Variants in ERCC2 observed in about 807,000 individuals in gnomAD.
ERCC2 encodes the protein ERCC excision repair 2, TFIIH core complex helicase subunit.
A neutral mutation model predicts 99.4 loss-of-function variants in ERCC2; 90 were observed. That is an observed-to-expected ratio of 0.91 (90% CI 0.76 to 1.08). ERCC2 has a LOEUF of 1.08. ERCC2 is among the 50% of genes least tolerant of loss of function. The pLI is 0.00. For synonymous variants in ERCC2, 497 were observed against 432.4 expected (o/e 1.15, Z -1.85); for missense variants, 993 against 1,038.1 (o/e 0.96, Z 0.60).
rs3916795 is a variant in ERCC2, at chr19:45,369,857, G to A, written c.105+276C>T. Among the ~76,000 whole-genome samples, 898 of 152,154 alleles carry A rather than the reference G, an allele frequency of 5.9e-3. 3 individuals carry two copies. Among genetic ancestry groups the A allele is most frequent in the Middle Eastern group, 0.01 (3 of 294 alleles). On this transcript the variant is annotated intron_variant, in intron 2 of 22. Transcript: ENST00000391945. ...CACCTGGCTAATTTTTGTATTTTTA[G>A]TACAGACGGGGTTTCACCGTGTTGG...
At position 45,366,101 on chromosome 19, in the gene ERCC2, T is replaced by C. The variant is rs138006312; in HGVS notation, c.361-943A>G. Among the ~76,000 whole-genome samples the C allele has an allele frequency of 1.8e-3, 280 of 152,108 alleles. 1 individual carries two copies. Among genetic ancestry groups the C allele is most frequent in the African/African-American group, 6.6e-3 (272 of 41,504 alleles). ...ATCCTCCCACCTCAGCCTCCCAAAGTGCTGGGATTACAGGCTGAGCCACTG... is the reference window on the plus strand; with the variant it reads ...ATCCTCCCACCTCAGCCTCCCAAAGCGCTGGGATTACAGGCTGAGCCACTG... On this transcript the variant is annotated intron_variant, in intron 5 of 22. Transcript: ENST00000391945.
intron 17 of ERCC2, 34 bp from the exon 18 acceptor site, chr19:45,353,368 C>A: frequency 6.8e-7 from 1 of 1,467,844 alleles, no homozygotes; most frequent in East Asian, 2.3e-5. Flanking sequence ...AGGGTGGGTT[C>A]AGGGCACAGC....
In ERCC2 at chr19:45,364,277, C is replaced by G; in HGVS notation, c.773G>C (p.Arg258Pro). The change falls in exon 9 of 23, where the codon CGG (arginine) becomes CCG (proline). Residue 258 changes from arginine to proline, a missense_variant. Transcript: ENST00000391945. ...CAGGGTCTCCAGGTTGCCCTGGCAC[C>G]GGTCAAGGGTCCGGCGGGTGAGGTT... ...SVNLTRRTLD[R>P]CQGNLETLQK... is the part of the protein sequence containing the mutation. The G allele has an allele frequency of 1.2e-6, 2 of 1,613,992 alleles. No homozygotes were observed. The highest frequency in any genetic ancestry group is 1.7e-6 in the Non-Finnish European group (2 of 1,179,988).
chr19:45,361,533 A>G lies in ERCC2; in HGVS notation c.1228T>C (p.Tyr410His). The change falls in exon 12 of 23, where the codon TAC becomes CAC. Residue 410 changes from tyrosine to histidine, a missense_variant. Physicochemically the swap from Tyr to His is moderately conservative, Grantham distance 83 (BLOSUM62 2). Coordinates refer to ENST00000391945, the MANE Select transcript of ERCC2 (RefSeq NM_000400.4). ...LANFATLVST[Y>H]AKGFTIIIEP... ...AAAAAGGTGAGCTTACCTTTGGCGT[A>G]GGTGCTGACAAGGGTGGCAAAGTTA... 3.1e-6 allele frequency: 5 copies of G among 1,611,900 alleles called. No homozygotes were observed. The highest frequency in any genetic ancestry group is 4.2e-6 in the Non-Finnish European group (5 of 1,178,080).
intron 5 of ERCC2, among the ~76,000 whole-genome samples, chr19:45,365,827 C>A (rs1448240671): frequency 6.6e-6 from 1 of 151,982 alleles, no homozygotes; most frequent in East Asian, 1.9e-4. Context: ...TACATTCTTA[C>A]AACTACAAGT....
At chr19:45,363,646 G>C in intron 11 of ERCC2, 97 bp downstream of exon 11, 2 of 1,334,700 alleles carry the variant, frequency 1.5e-6, no homozygotes, top group Non-Finnish European at 2.0e-6. Flanking sequence ...CACTCCTGAT[G>C]CTGCAGTGGT....
At position 45,368,864 on chromosome 19, in the gene ERCC2, C is replaced by T. The variant is rs192705084; in HGVS notation, c.246+66G>A. 5,182 of 1,592,278 alleles carry T rather than the reference C, an allele frequency of 3.3e-3. 15 individuals carry two copies. The highest frequency in any genetic ancestry group is 3.8e-3 in the Non-Finnish European group (4,453 of 1,160,252). ...ACCCCCGAAAGCTGGTGACGGCCAC[C>T]GCCAGGGGGACCAATAGGGCCTAGG... On this transcript the variant is annotated intron_variant, in intron 4 of 22. Coordinates refer to ENST00000391945, the MANE Select transcript of ERCC2 (RefSeq NM_000400.4).
rs1313714299 is a variant in ERCC2 at position 45,350,813 on chromosome 19, A to AC, written c.*815dup. ...AGAATCCACAGCCCACCCCACCCCC[A>AC]CCCCCATCTTGCTCAAGAACCTTCC... is the stretch of plus-strand genomic sequence containing the variant. On this transcript the variant is annotated 3_prime_UTR_variant, in exon 23 of 23. Coordinates refer to ENST00000391945, the MANE Select transcript of ERCC2 (RefSeq NM_000400.4). The AC allele has an allele frequency of 4.4e-6, 2 of 453,620 alleles. No homozygotes were observed. The highest frequency in any genetic ancestry group is 3.8e-5 in the African/African-American group (1 of 26,626). The allele number at this position is 453,620 out of a possible 1,614,324, so 28.1% of individuals were successfully genotyped here.
Position 45,350,289 on chromosome 19 carries a change from C to T in ERCC2, c.*1340G>A, listed in dbSNP as rs956091037. ...AAAAAAAAAAAGGCGGGACTGGATGCAGTGTTGGGAACTGGGGTCCGAAAA... is the reference window on the plus strand; with the variant it reads ...AAAAAAAAAAAGGCGGGACTGGATGTAGTGTTGGGAACTGGGGTCCGAAAA... On this transcript the variant is annotated 3_prime_UTR_variant, in exon 23 of 23. Transcript: ENST00000391945. The T allele has an allele frequency of 3.7e-6, 5 of 1,354,878 alleles. No individual in the cohort carries two copies. The highest frequency in any genetic ancestry group is 2.9e-5 in the African/African-American group (2 of 68,006). 83.9% of individuals were successfully genotyped at this position (1,354,878 alleles called of 1,614,324 possible).
Position 45,355,668 on chromosome 19 carries a change from T to A in ERCC2, c.1540A>T (p.Ile514Phe). The change falls in exon 16 of 23, where the codon ATT (isoleucine) becomes TTT (phenylalanine). Residue 514 changes from isoleucine (I) to phenylalanine (F), a missense_variant. Around this residue, in one of 3 missense-constraint regions of ERCC2, gnomAD observed 909 missense variants for 930.8 expected, o/e 0.98. Coordinates refer to ENST00000391945, the MANE Select transcript of ERCC2 (RefSeq NM_000400.4). ...ISSKFETRED[I>F]AVIRNYGNLL... ...ACCAGCCCCACTGGCAGCATACCAA[T>A]ATCCTCCCGGGTCTCAAATTTGGAG... is the stretch of plus-strand genomic sequence containing the variant. The A allele has an allele frequency of 6.2e-7, 1 of 1,613,926 alleles. No homozygotes were observed. Among genetic ancestry groups the A allele is most frequent in the Non-Finnish European group, 8.5e-7 (1 of 1,179,842 alleles).
At chr19:45,364,721 G>A (rs1385794883) in intron 7 of ERCC2, 117 bp downstream of exon 7, 3 of 1,242,960 alleles carry the variant, frequency 2.4e-6, no homozygotes, top group African/African-American at 3.0e-5. Context: ...CCACCAACAG[G>A]GAGATGCAGA....
In ERCC2 at chr19:45,350,242, C is replaced by G; in HGVS notation, c.*1387G>C. On this transcript the variant is annotated 3_prime_UTR_variant, in exon 23 of 23. Coordinates refer to ENST00000391945, the MANE Select transcript of ERCC2 (RefSeq NM_000400.4). Reference sequence around the variant, plus strand: ...TTCAAGACCAGCCTGGGCAACATACCAAGACCCCTGTCTCTACAAAAAAAA... The same window carrying G: ...TTCAAGACCAGCCTGGGCAACATACGAAGACCCCTGTCTCTACAAAAAAAA... 1 of 867,266 alleles carries G rather than the reference C, an allele frequency of 1.2e-6. No homozygotes were observed. 53.7% of individuals were successfully genotyped at this position (867,266 alleles called of 1,614,324 possible).
At chr19:45,359,126 G>C (rs1032607993) in intron 12 of ERCC2, among the ~76,000 whole-genome samples, 4 of 152,090 alleles carry the variant, frequency 2.6e-5, no homozygotes, top group African/African-American at 9.7e-5. Context: ...CAGAGGAGGG[G>C]CCTGACTCAG....
intron 12 of ERCC2, among the ~76,000 whole-genome samples, chr19:45,360,719 AT>A (rs1972190469): frequency 6.6e-6 from 1 of 152,024 alleles, no homozygotes; most frequent in Non-Finnish European, 1.5e-5. Context: ...GGGTTTCGCC[AT>A]GTTCACCAGG....
Position 45,351,391 on chromosome 19 carries a change from G to C in ERCC2, c.*238C>G, listed in dbSNP as rs538721827. 1 of 1,606,302 alleles carries C rather than the reference G, an allele frequency of 6.2e-7. No homozygotes were observed. Among genetic ancestry groups the C allele is most frequent in the Non-Finnish European group, 8.5e-7 (1 of 1,179,852 alleles). Reference sequence around the variant, plus strand: ...GAACTGCGCTGGCCGCAGCTTCTTGGGAACAGTGCAGGAGGGATGGGCTGG... The same window carrying C: ...GAACTGCGCTGGCCGCAGCTTCTTGCGAACAGTGCAGGAGGGATGGGCTGG... On this transcript the variant is annotated 3_prime_UTR_variant, in exon 23 of 23. Coordinates refer to ENST00000391945, the MANE Select transcript of ERCC2 (RefSeq NM_000400.4).
intron 2 of ERCC2, 105 bp from the exon 3 acceptor site, chr19:45,369,252 A>AG: frequency 1.2e-6 from 1 of 847,112 alleles, no homozygotes; most frequent in Non-Finnish European, 2.0e-6. Flanking sequence ...TCAGAACAGC[A>AG]GGATAACACA....
At chr19:45,361,874 G>A in intron 11 of ERCC2, 1 of 536,568 alleles carries the variant, frequency 1.9e-6, no homozygotes, top group Non-Finnish European at 3.5e-6. Flanking sequence ...AGACACTCCA[G>A]AGTCATGTGG....
rs1053060473 is a variant in ERCC2, at chr19:45,353,443, C to T, written c.1666-109G>A. ...CACCATGTCTCTGGGCCTCAGCTGGCTCATCTGAGATGTGGTGAGGGAGGG... is the reference window on the plus strand; with the variant it reads ...CACCATGTCTCTGGGCCTCAGCTGGTTCATCTGAGATGTGGTGAGGGAGGG... On this transcript the variant is annotated intron_variant, in intron 17 of 22. Transcript: ENST00000391945. 23 of 754,026 alleles carry T rather than the reference C, an allele frequency of 3.1e-5. No individual in the cohort carries two copies. In the African/African-American group the frequency reaches 3.8e-4, roughly 12 times the overall value. The allele number at this position is 754,026 out of a possible 1,614,324, so 46.7% of individuals were successfully genotyped here. A position where few individuals can be genotyped will look rare whatever the true frequency, so the allele number is the denominator to read the frequency against.
At chr19:45,354,376 G>A (rs1014386762) in intron 17 of ERCC2, among the ~76,000 whole-genome samples, 2 of 152,158 alleles carry the variant, frequency 1.3e-5, no homozygotes, top group African/African-American at 2.4e-5. Context: ...CTAGAGCCAC[G>A]CCTGCTATCT....
Sources: allele counts gnomAD v4.1 joint callset (sites outside exome capture counted in the v4.1 genomes callset), GRCh38; gene constraint gnomAD v4.1.1; regional missense constraint gnomAD v4.1.1; transcripts MANE v1.5; gene names NCBI Gene and HGNC (gene_info 2026-07-23, HGNC 2026-07-21).